Variants in FNIP2 observed in about 807,000 individuals in gnomAD.
FNIP2 encodes the protein folliculin-interacting protein 2.
Under a neutral mutation model 108.7 loss-of-function variants are expected in FNIP2, and 32 were observed. The ratio of observed to expected loss-of-function variants is 0.29; its 90% CI spans 0.22 to 0.40. FNIP2 has a LOEUF of 0.40. Ranked by LOEUF, FNIP2 falls within the 10% of genes least tolerant of loss-of-function variation. The pLI, the probability that FNIP2 is intolerant of heterozygous loss-of-function variation, is 1.00. For synonymous variants in FNIP2, 480 were observed against 496.7 expected (o/e 0.97, Z 0.45); for missense variants, 1,202 against 1,381.6 (o/e 0.87, Z 2.06).
Position 158,891,914 on chromosome 4 carries a change from A to G in FNIP2, c.3150+268A>G, listed in dbSNP as rs189321294. Among the ~76,000 whole-genome samples, 485 of 152,288 alleles carry G rather than the reference A, an allele frequency of 3.2e-3. 1 individual carries two copies. The highest frequency in any genetic ancestry group is 4.3e-3 in the Non-Finnish European group (290 of 68,022). On this transcript the variant is annotated intron_variant, in intron 15 of 16. Transcript: ENST00000264433. Reference sequence around the variant, plus strand: ...AAATAAGGAATGGGTGGAGAGATCAAGCATAAAAGGAAACTGTAAATCATC... The same window carrying G: ...AAATAAGGAATGGGTGGAGAGATCAGGCATAAAAGGAAACTGTAAATCATC...
intron 1 of FNIP2, among the ~76,000 whole-genome samples, chr4:158,794,941 T>C (rs1236822137): frequency 1.3e-5 from 2 of 152,230 alleles, no homozygotes; most frequent in Non-Finnish European, 2.9e-5. Context: ...ATAAAACGAT[T>C]ACTGTCATAA....
intron 6 of FNIP2, chr4:158,835,191 C>T: frequency 3.8e-6 from 1 of 265,092 alleles, no homozygotes; most frequent in Non-Finnish European, 7.3e-6. Context: ...CAATTGAATA[C>T]AGGCAGATTT....
intron 14 of FNIP2, chr4:158,890,437 A>G (rs981767817): frequency 3.6e-5 from 30 of 824,110 alleles, no homozygotes; most frequent in Non-Finnish European, 4.1e-5. Context: ...GTGAGAAGGA[A>G]TACAAAGCTG....
intron 7 of FNIP2, 129 bp from the exon 8 acceptor site, chr4:158,851,192 G>T (rs1779680601): frequency 1.8e-6 from 2 of 1,118,072 alleles, no homozygotes; most frequent in Non-Finnish European, 2.6e-6. Context: ...GAAGTGTACA[G>T]TTTAGTGATA....
chr4:158,793,855 T>A (rs1295907731), intron 1 of FNIP2, among the ~76,000 whole-genome samples: 1 of 152,024 alleles, frequency 6.6e-6, no homozygotes. Context: ...TGTGATGGGG[T>A]TTGTAAATGG....
At chr4:158,808,147 C>T (rs1226777642) in intron 1 of FNIP2, among the ~76,000 whole-genome samples, 1 of 152,104 alleles carries the variant, frequency 6.6e-6, no homozygotes, top group East Asian at 1.9e-4. Flanking sequence ...CTTTCTTCTT[C>T]TGAGATTCTT....
intron 1 of FNIP2, among the ~76,000 whole-genome samples, chr4:158,778,979 G>A (rs1775945873): frequency 1.3e-5 from 2 of 152,220 alleles, no homozygotes; most frequent in African/African-American, 4.8e-5. Flanking sequence ...CCTACTAACA[G>A]CATATGATAG....
intron 1 of FNIP2, among the ~76,000 whole-genome samples, chr4:158,810,937 T>G (rs1777234586): frequency 6.6e-6 from 1 of 152,256 alleles, no homozygotes; most frequent in Non-Finnish European, 1.5e-5. Context: ...TTATGACTCC[T>G]GTGGTGAGTC....
chr4:158,829,205 G>A lies in FNIP2; in HGVS notation c.361G>A (p.Glu121Lys), dbSNP rs1342228290. Residue 121 changes from glutamate (E) to lysine (K), a missense_variant, in exon 3 of 17, where the codon GAA becomes AAA. By Grantham distance (56) the Glu-to-Lys change is moderately conservative. This residue lies in a region of FNIP2 where 173 missense variants were observed against 165.9 expected (regional missense o/e 1.04). Transcript: ENST00000264433. Reference sequence around the variant, plus strand: ...TGGGGGATCTTCACATCATGCTAAGGAACAGCTTCCAAAGTACCAGGTACA... The same window carrying A: ...TGGGGGATCTTCACATCATGCTAAGAAACAGCTTCCAAAGTACCAGGTACA... The part of the protein sequence containing the change: ...SSGGSSHHAK[E>K]QLPKYQYTRP... 1 of 1,611,828 alleles carries A rather than the reference G, an allele frequency of 6.2e-7. No individual in the cohort carries two copies. The highest frequency in any genetic ancestry group is 1.3e-5 in the African/African-American group (1 of 74,846).
At chr4:158,872,902 G>A (rs189785868) in intron 14 of FNIP2, among the ~76,000 whole-genome samples, 2 of 152,148 alleles carry the variant, frequency 1.3e-5, no homozygotes, top group African/African-American at 4.8e-5. Flanking sequence ...AAGAAGCAGA[G>A]ATCCAAAAAC....
intron 1 of FNIP2, among the ~76,000 whole-genome samples, chr4:158,800,286 A>G (rs1031716543): frequency 4.6e-5 from 7 of 152,202 alleles, no homozygotes; most frequent in African/African-American, 1.7e-4. Flanking sequence ...TTGATACTAC[A>G]CAAAGTTTCC....
intron 14 of FNIP2, among the ~76,000 whole-genome samples, chr4:158,885,321 G>A (rs1169522409): frequency 6.6e-6 from 1 of 152,166 alleles, no homozygotes; most frequent in South Asian, 2.1e-4. Context: ...CATATCAGGG[G>A]TCTTATTGGG....
intron 2 of FNIP2, among the ~76,000 whole-genome samples, chr4:158,828,167 T>G (rs756554796): frequency 1.3e-5 from 2 of 152,176 alleles, no homozygotes; most frequent in Non-Finnish European, 2.9e-5. Flanking sequence ...GAGCATCCTC[T>G]GTTGTCTTTA....
intron 14 of FNIP2, among the ~76,000 whole-genome samples, chr4:158,876,813 T>A (rs1368375668): frequency 6.6e-6 from 1 of 152,150 alleles, no homozygotes; most frequent in Non-Finnish European, 1.5e-5. Flanking sequence ...TAAAGAGAGA[T>A]GGGAGATGAT....
At chr4:158,802,568 G>A (rs1333700812) in intron 1 of FNIP2, among the ~76,000 whole-genome samples, 1 of 152,056 alleles carries the variant, frequency 6.6e-6, no homozygotes, top group Non-Finnish European at 1.5e-5. Flanking sequence ...CATGATCATT[G>A]CTTTTCATCA....
intron 2 of FNIP2, among the ~76,000 whole-genome samples, chr4:158,826,648 G>A (rs1258505837): frequency 2.0e-5 from 3 of 152,022 alleles, no homozygotes; most frequent in Middle Eastern, 3.2e-3. Flanking sequence ...TAGGGTGGGC[G>A]ACAAGCAATG....
chr4:158,854,706 G>A (rs189335037), intron 8 of FNIP2, among the ~76,000 whole-genome samples: 93 of 152,334 alleles, frequency 6.1e-4, no homozygotes, highest in Admixed American at 2.0e-3. Context: ...ACACAGAATG[G>A]ACTGCCATGT....
At chr4:158,791,266 CTTTTT>C (rs199714823) in intron 1 of FNIP2, among the ~76,000 whole-genome samples, 24 of 98,066 alleles carry the variant, frequency 2.4e-4, no homozygotes, top group South Asian at 2.2e-3. Context: ...ACTGAGGATC[CTTTTT>C]TTTTTTTTTT....
At chr4:158,788,643 C>A (rs1476369606) in intron 1 of FNIP2, among the ~76,000 whole-genome samples, 1 of 152,214 alleles carries the variant, frequency 6.6e-6, no homozygotes, top group Non-Finnish European at 1.5e-5. Context: ...AGAAGCCGTA[C>A]ATATGGACAG....
Sources: allele counts gnomAD v4.1 joint callset (sites outside exome capture counted in the v4.1 genomes callset), GRCh38; gene constraint gnomAD v4.1.1; regional missense constraint gnomAD v4.1.1; transcripts MANE v1.5; gene names NCBI Gene and HGNC (gene_info 2026-07-23, HGNC 2026-07-21).